The following L3MBTL4 variants were observed in gnomAD, a reference collection of about 807,000 sequenced individuals.
L3MBTL4 encodes lethal(3)malignant brain tumor-like protein 4.
A neutral mutation model predicts 84.5 loss-of-function variants in L3MBTL4; 70 were observed. The observed-to-expected ratio is 0.83, with a 90% CI of 0.68 to 1.01. L3MBTL4 has a LOEUF of 1.01. Ranked by LOEUF, L3MBTL4 falls within the 50% of genes least tolerant of loss-of-function variation. The probability of loss-of-function intolerance (pLI) is 0.00; values close to 1 mark genes in which losing one functional copy is unlikely to be tolerated. For synonymous variants in L3MBTL4, 274 were observed against 259.8 expected, an observed-to-expected ratio of 1.05 and a Z score of -0.52; for missense variants, 715 against 754.8, an observed-to-expected ratio of 0.95 and a Z score of 0.62.
intron 1 of L3MBTL4, among the ~76,000 whole-genome samples, chr18:6,388,815 T>C (rs1038543725): frequency 6.6e-6 from 1 of 152,174 alleles, no homozygotes; most frequent in Non-Finnish European, 1.5e-5. Context: ...CCCTGGGTCC[T>C]TCCAAACAGG....
chr18:5,997,409 A>G (rs2054022705), intron 16 of L3MBTL4, among the ~76,000 whole-genome samples: 2 of 152,200 alleles, frequency 1.3e-5, no homozygotes. Context: ...AAGTCATCCC[A>G]GTGGGCCTCA....
chr18:6,051,560 C>T (rs1251687946), intron 16 of L3MBTL4, among the ~76,000 whole-genome samples: 2 of 150,912 alleles, frequency 1.3e-5, no homozygotes, highest in Non-Finnish European at 2.9e-5. Context: ...AAGGAAGAAA[C>T]GAATAGGGCA....
intron 16 of L3MBTL4, among the ~76,000 whole-genome samples, chr18:5,970,877 C>T (rs923342075): frequency 1.4e-4 from 21 of 152,218 alleles, no homozygotes; most frequent in African/African-American, 4.8e-4. Flanking sequence ...AAACTACGAG[C>T]GAGCTTGTCC....
At chr18:6,386,305 G>A (rs745382183) in intron 1 of L3MBTL4, among the ~76,000 whole-genome samples, 4 of 152,184 alleles carry the variant, frequency 2.6e-5, no homozygotes, top group Non-Finnish European at 5.9e-5. Context: ...TGGTGCAGAC[G>A]GCCTGCCATT....
intron 14 of L3MBTL4, among the ~76,000 whole-genome samples, chr18:6,121,696 G>GTGTA (rs1282167982): frequency 1.5e-5 from 2 of 136,554 alleles, no homozygotes; most frequent in Admixed American, 1.5e-4. Flanking sequence ...GTGTGTGTGT[G>GTGTA]TGTGTGTGTG....
chr18:6,301,785 G>T, intron 4 of L3MBTL4, 118 bp downstream of exon 4: 1 of 798,246 alleles, frequency 1.3e-6, no homozygotes, highest in Non-Finnish European at 2.2e-6. Flanking sequence ...TGAATAAATG[G>T]TAGATATTAT....
chr18:6,272,295 A>C lies in L3MBTL4; in HGVS notation c.128-8257T>G, dbSNP rs184142747. Among the ~76,000 whole-genome samples, 927 of 152,328 alleles carry C rather than the reference A, an allele frequency of 6.1e-3. 3 individuals carry two copies. Among genetic ancestry groups the C allele is most frequent in the South Asian group, 0.013 (61 of 4,828 alleles). ...AGGAGTTTTAGGCTGCTAGGGAAGAAGATGGGAGGGCACCCTACCAAATAC... is the reference window on the plus strand; with the variant it reads ...AGGAGTTTTAGGCTGCTAGGGAAGACGATGGGAGGGCACCCTACCAAATAC... On this transcript the variant is annotated intron_variant, in intron 4 of 18. Coordinates refer to ENST00000317931, the MANE Select transcript of L3MBTL4 (RefSeq NM_001330559.2).
Position 6,178,084 on chromosome 18 carries a change from T to G in L3MBTL4, c.982-6142A>C, listed in dbSNP as rs924065789. Among the ~76,000 whole-genome samples the G allele has an allele frequency of 2.1e-4, 32 of 152,056 alleles. 1 individual carries two copies. Among genetic ancestry groups the G allele is most frequent in the South Asian group, 6.2e-4 (3 of 4,810 alleles). ...GGGAATCCGACTGCAGAATTAGGTC[T>G]CAACTGAAGAAGTGAAAAAAAAAAT... is the stretch of plus-strand genomic sequence containing the variant. On this transcript the variant is annotated intron_variant, in intron 12 of 18. Transcript: ENST00000317931.
chr18:5,999,688 T>C (rs750059894), intron 16 of L3MBTL4, among the ~76,000 whole-genome samples: 3 of 152,164 alleles, frequency 2.0e-5, no homozygotes, highest in Non-Finnish European at 4.4e-5. Context: ...TTCCCTAGAT[T>C]CAATATATCT....
intron 1 of L3MBTL4, among the ~76,000 whole-genome samples, chr18:6,369,151 G>A (rs1041146753): frequency 6.6e-6 from 1 of 152,110 alleles, no homozygotes. Flanking sequence ...TCCTGGAGAA[G>A]CGGGGCTACA....
chr18:6,317,121 T>C (rs1416656399), intron 1 of L3MBTL4, among the ~76,000 whole-genome samples: 1 of 152,122 alleles, frequency 6.6e-6, no homozygotes. Context: ...CTGAGCACAT[T>C]GTTACTACAA....
chr18:6,010,111 A>G (rs2054667364), intron 16 of L3MBTL4, among the ~76,000 whole-genome samples: 1 of 151,770 alleles, frequency 6.6e-6, no homozygotes, highest in African/African-American at 2.4e-5. Context: ...TTTTGACTGG[A>G]TGTTCAACAA....
chr18:6,188,403 A>T (rs182975247), intron 12 of L3MBTL4, among the ~76,000 whole-genome samples: 7 of 152,086 alleles, frequency 4.6e-5, no homozygotes, highest in Admixed American at 2.6e-4. Context: ...TAGGATGTTG[A>T]ACTTCAGAAC....
Position 6,072,717 on chromosome 18 carries a change from G to A in L3MBTL4, c.1444+8164C>T, listed in dbSNP as rs1258902040. Among the ~76,000 whole-genome samples the A allele has an allele frequency of 4.1e-5, 6 of 148,004 alleles. No individual in the cohort carries two copies. The East Asian group carries it at 1.2e-3, about 29-fold the overall frequency. On this transcript the variant is annotated intron_variant, in intron 16 of 18. Transcript: ENST00000317931. ...ACACACAAAAAAAAATTAGCTGGGC[G>A]TAGTGGCGGGCCCCTGTAGTCCCAG...
chr18:6,256,095 A>T (rs1175402311), intron 5 of L3MBTL4, among the ~76,000 whole-genome samples: 1 of 152,216 alleles, frequency 6.6e-6, no homozygotes, highest in African/African-American at 2.4e-5. Flanking sequence ...GGTATCTCAA[A>T]GTTTCACAAG....
chr18:6,295,656 A>C (rs2050078742), intron 4 of L3MBTL4, among the ~76,000 whole-genome samples: 1 of 152,128 alleles, frequency 6.6e-6, no homozygotes, highest in African/African-American at 2.4e-5. Context: ...TTTCATTAAA[A>C]TGCACGTGGA....
chr18:6,295,594 G>C (rs895836105), intron 4 of L3MBTL4, among the ~76,000 whole-genome samples: 1 of 151,954 alleles, frequency 6.6e-6, no homozygotes, highest in Non-Finnish European at 1.5e-5. Context: ...CCAGTATCAA[G>C]AGCAAAGAAA....
chr18:6,086,066 T>C (rs1009317053), intron 15 of L3MBTL4, among the ~76,000 whole-genome samples: 14 of 152,224 alleles, frequency 9.2e-5, no homozygotes, highest in African/African-American at 3.4e-4. Flanking sequence ...TTTTCTTCTT[T>C]CTACTCAACT....
At chr18:6,362,825 A>T (rs1293472223) in intron 1 of L3MBTL4, among the ~76,000 whole-genome samples, 1 of 152,252 alleles carries the variant, frequency 6.6e-6, no homozygotes, top group Non-Finnish European at 1.5e-5. Flanking sequence ...AAACAAATGC[A>T]AGTTTTTATT....
Sources: allele counts gnomAD v4.1 joint callset (sites outside exome capture counted in the v4.1 genomes callset), GRCh38; gene constraint gnomAD v4.1.1; transcripts MANE v1.5; gene names NCBI Gene and HGNC (gene_info 2026-07-23, HGNC 2026-07-21).